NRG1: variants seen among roughly 807,000 people sequenced by gnomAD.
The protein encoded by NRG1 is pro-neuregulin-1, membrane-bound isoform.
A neutral mutation model predicts 63.8 loss-of-function variants in NRG1; 18 were observed. The observed-to-expected ratio is 0.28, with a 90% confidence interval of 0.19 to 0.42. NRG1 has a LOEUF of 0.42. Ranked by LOEUF, NRG1 falls within the 10% of genes least tolerant of loss-of-function variation. NRG1 has a pLI of 1.00. For synonymous variants in NRG1, 302 were observed against 301.3 expected (o/e 1.00, Z -0.02); for missense variants, 762 against 814.7 (o/e 0.94, Z 0.79).
At chr8:31,825,776 C>G (rs929184992) in intron 1 of NRG1, among the ~76,000 whole-genome samples, 3 of 152,118 alleles carry the variant, frequency 2.0e-5, no homozygotes, top group African/African-American at 7.2e-5. Flanking sequence ...TTAGAGGCAC[C>G]CTCTGTGACA....
intron 5 of NRG1, among the ~76,000 whole-genome samples, chr8:32,716,220 C>T (rs1288988539): frequency 6.6e-6 from 1 of 152,174 alleles, no homozygotes; most frequent in Admixed American, 6.5e-5. Context: ...ATTCCTGCTA[C>T]ACATATTTTG....
exon 12 of NRG1, chr8:32,764,286 C>A: frequency 6.2e-7 from 1 of 1,614,102 alleles, no homozygotes; most frequent in Non-Finnish European, 8.5e-7. Context: ...TGAGGCAACA[C>A]CTGCCTTCCG....
intron 1 of NRG1, among the ~76,000 whole-genome samples, chr8:31,993,577 A>G (rs1023979610): frequency 5.9e-5 from 9 of 152,002 alleles, no homozygotes. Context: ...ACTGTGTAAG[A>G]CATCCCTTTT....
intron 1 of NRG1, among the ~76,000 whole-genome samples, chr8:31,694,776 CTG>C (rs1229002334): frequency 2.6e-5 from 4 of 152,078 alleles, no homozygotes; most frequent in Non-Finnish European, 4.4e-5. Context: ...GATCATCTTG[CTG>C]TTCTTAAAGC....
At chr8:31,754,697 A>G (rs1164195359) in intron 1 of NRG1, among the ~76,000 whole-genome samples, 2 of 152,090 alleles carry the variant, frequency 1.3e-5, no homozygotes, top group African/African-American at 4.8e-5. Context: ...CCATCTAAGC[A>G]GCTGGAACCA....
At chr8:32,146,389 A>G (rs1247151978) in intron 1 of NRG1, among the ~76,000 whole-genome samples, 1 of 152,220 alleles carries the variant, frequency 6.6e-6, no homozygotes, top group Non-Finnish European at 1.5e-5. Context: ...AGAATTAATC[A>G]TAGCTGTAGA....
At chr8:32,145,212 T>G (rs73594173) in intron 1 of NRG1, among the ~76,000 whole-genome samples, 2,008 of 152,266 alleles carry the variant, frequency 0.013, 54 homozygotes, top group African/African-American at 0.045. Context: ...AGAGAGACTT[T>G]TCAGAAAAAG....
chr8:31,824,094 T>C (rs1008062759), intron 1 of NRG1, among the ~76,000 whole-genome samples: 2 of 152,106 alleles, frequency 1.3e-5, no homozygotes, highest in African/African-American at 2.4e-5. Flanking sequence ...TGTATACATG[T>C]GCCATGTTGG....
At chr8:31,902,091 TG>T (rs751958105) in intron 1 of NRG1, among the ~76,000 whole-genome samples, 34 of 152,098 alleles carry the variant, frequency 2.2e-4, no homozygotes, top group Non-Finnish European at 3.2e-4. Context: ...AAAAAAAAAG[TG>T]GGTGAGATGG....
At chr8:31,669,736 C>T (rs577346091) in intron 1 of NRG1, among the ~76,000 whole-genome samples, 1 of 152,252 alleles carries the variant, frequency 6.6e-6, no homozygotes, top group Admixed American at 6.5e-5. Context: ...AAGTACTTAA[C>T]AGTAAAAAAT....
At chr8:32,622,572 T>G (rs1848528662) in intron 5 of NRG1, among the ~76,000 whole-genome samples, 1 of 152,050 alleles carries the variant, frequency 6.6e-6, no homozygotes, top group South Asian at 2.1e-4. Flanking sequence ...CTGAGTAATG[T>G]TTTTTAGAGA....
intron 1 of NRG1, among the ~76,000 whole-genome samples, chr8:32,089,713 C>G (rs1050413459): frequency 6.6e-6 from 1 of 152,086 alleles, no homozygotes; most frequent in Non-Finnish European, 1.5e-5. Flanking sequence ...CAGAAACGCT[C>G]ATACATTAAA....
At chr8:32,576,779 G>A (rs896053535) in intron 1 of NRG1, among the ~76,000 whole-genome samples, 4 of 150,940 alleles carry the variant, frequency 2.7e-5, no homozygotes, top group Non-Finnish European at 4.4e-5. Flanking sequence ...AAATAATTTC[G>A]ACTTATATTT....
chr8:32,770,435 C>T (rs549195150), downstream of NRG1, among the ~76,000 whole-genome samples: 8 of 152,250 alleles, frequency 5.3e-5, no homozygotes, highest in African/African-American at 1.9e-4. Context: ...TTGCGTTCTT[C>T]CCCTTTCCCT....
At chr8:32,642,834 A>G (rs1852688178) in intron 5 of NRG1, among the ~76,000 whole-genome samples, 1 of 152,198 alleles carries the variant, frequency 6.6e-6, no homozygotes, top group South Asian at 2.1e-4. Context: ...ATACAGGAAA[A>G]AAGTCAAAGA....
Position 32,189,775 on chromosome 8 carries a change from T to C in NRG1, c.38-406053T>C, listed in dbSNP as rs1202953550. Among the ~76,000 whole-genome samples, 3 of 152,200 alleles carry C rather than the reference T, an allele frequency of 2.0e-5. No homozygotes were observed. In the East Asian group the frequency reaches 5.8e-4, roughly 29 times the overall value. ...GTCCTTAGAAATATCACCACATTTA[T>C]TGATATTTCACTGTGTTCCTCTGAG... On this transcript the variant is annotated intron_variant, in intron 1 of 10. Transcript: ENST00000519301.
At chr8:32,586,452 A>G (rs527389017) in intron 1 of NRG1, among the ~76,000 whole-genome samples, 4 of 152,274 alleles carry the variant, frequency 2.6e-5, no homozygotes, top group African/African-American at 9.6e-5. Context: ...TCCCTTGTAG[A>G]ATTTTACAGT....
intron 1 of NRG1, among the ~76,000 whole-genome samples, chr8:31,990,533 A>G (rs1217864365): frequency 6.6e-6 from 1 of 152,108 alleles, no homozygotes; most frequent in Non-Finnish European, 1.5e-5. Context: ...GCATAGTCAC[A>G]CTAAGGTGCA....
intron 2 of NRG1, among the ~76,000 whole-genome samples, chr8:32,599,916 CTA>C (rs1844023711): frequency 6.6e-6 from 1 of 152,126 alleles, no homozygotes; most frequent in South Asian, 2.1e-4. Flanking sequence ...ATTATTTCCT[CTA>C]TTTTTACTGG....
Sources: allele counts gnomAD v4.1 joint callset (sites outside exome capture counted in the v4.1 genomes callset), GRCh38; gene constraint gnomAD v4.1.1; transcripts MANE v1.5; gene names NCBI Gene and HGNC (gene_info 2026-07-23, HGNC 2026-07-21).